Variants in SBK1 observed in about 807,000 individuals in gnomAD.
The protein encoded by SBK1 is SH3 domain binding kinase 1.
In SBK1, 11 loss-of-function variants were observed where a neutral mutation model predicts 24.4. The ratio of observed to expected loss-of-function variants is 0.45; its 90% CI spans 0.28 to 0.75. The LOEUF is 0.75. Among genes scored for constraint, SBK1 ranks in the 30% least tolerant of loss-of-function variants. The pLI is 0.12. For synonymous variants in SBK1, 308 were observed against 284.4 expected, an observed-to-expected ratio of 1.08 and a Z score of -0.83; for missense variants, 467 against 620.5, an observed-to-expected ratio of 0.75 and a Z score of 2.63.
chr16:28,321,111 G>T lies in SBK1; in HGVS notation c.*190G>T. The stretch of plus-strand genomic sequence containing the variant: ...GGGGGCCACCAAAGACCCCTAGCGC[G>T]GCCTGGTGAGCGGGGGCTTGGCCCA... On this transcript the variant is annotated 3_prime_UTR_variant, in exon 4 of 4. Coordinates refer to ENST00000341901, the MANE Select transcript of SBK1 (RefSeq NM_001024401.3). 1 of 472,352 alleles carries T rather than the reference G, an allele frequency of 2.1e-6. No individual in the cohort carries two copies. Among genetic ancestry groups the T allele is most frequent in the Non-Finnish European group, 3.4e-6 (1 of 290,970 alleles). 29.3% of individuals were successfully genotyped at this position (472,352 alleles called of 1,614,324 possible).
Position 28,317,349 on chromosome 16 carries a change from A to T in SBK1, c.-7-36A>T. The T allele has an allele frequency of 6.5e-7, 1 of 1,530,036 alleles. No homozygotes were observed. The highest frequency in any genetic ancestry group is 1.7e-4 in the Middle Eastern group (1 of 5,938). The allele number at this position is 1,530,036 out of a possible 1,614,324, so 94.8% of individuals were successfully genotyped here. A position where few individuals can be genotyped will look rare whatever the true frequency, so the allele number is the denominator to read the frequency against. Reference sequence around the variant, plus strand: ...GGCTGGAGGAGGGGACCCTTGCCTGATGTCACACTTCATGCTCACCACCCC... The same window carrying T: ...GGCTGGAGGAGGGGACCCTTGCCTGTTGTCACACTTCATGCTCACCACCCC... On this transcript the variant is annotated intron_variant, in intron 1 of 3. Transcript: ENST00000341901. The surrounding 1 kb of genome is among the most constrained non-coding windows in gnomAD (Gnocchi z 4.2).
intron 1 of SBK1, among the ~76,000 whole-genome samples, chr16:28,265,684 C>T (rs975847342): frequency 4.0e-5 from 6 of 151,784 alleles, no homozygotes; most frequent in Admixed American, 1.3e-4. Context: ...GATAAGAATG[C>T]ATCATGAAGC....
intron 1 of SBK1, among the ~76,000 whole-genome samples, chr16:28,314,257 A>G (rs1408529892): frequency 6.6e-6 from 1 of 151,394 alleles, no homozygotes; most frequent in African/African-American, 2.4e-5. Flanking sequence ...CCTGGGTTCA[A>G]GCGATCCTTC....
At position 28,322,931 on chromosome 16, in the gene SBK1, CCTCTCTCTCTCTCTCTCTCTCTCT is replaced by C. The variant is rs1160741491; in HGVS notation, c.*2036_*2059del. ...CTCTCTCGCGCGCGCTCTCTCTCTC[CCTCTCTCTCTCTCTCTCTCTCTCT>C]CTCTCTCTCTCTCTCTCTCTCTCTC... On this transcript the variant is annotated 3_prime_UTR_variant, in exon 4 of 4. Coordinates refer to ENST00000341901, the MANE Select transcript of SBK1 (RefSeq NM_001024401.3). 2 of 55,352 alleles carry C rather than the reference CCTCTCTCTCTCTCTCTCTCTCTCT, an allele frequency of 3.6e-5. No homozygotes were observed. The highest frequency in any genetic ancestry group is 7.1e-5 in the Non-Finnish European group (2 of 28,018). The allele number at this position is 55,352 out of a possible 1,614,324, so 3.4% of individuals were successfully genotyped here. A position where few individuals can be genotyped will look rare whatever the true frequency, so the allele number is the denominator to read the frequency against.
chr16:28,265,842 T>C (rs2044424655), intron 1 of SBK1, among the ~76,000 whole-genome samples: 1 of 150,762 alleles, frequency 6.6e-6, no homozygotes, highest in Non-Finnish European at 1.5e-5. Flanking sequence ...CGCGTGGTGG[T>C]ACGCACCTGT....
intron 1 of SBK1, among the ~76,000 whole-genome samples, chr16:28,265,095 A>AC (rs2044420136): frequency 6.6e-6 from 1 of 150,640 alleles, no homozygotes; most frequent in African/African-American, 2.4e-5. Flanking sequence ...ACATAGGGAG[A>AC]CCCCCATCTC....
intron 1 of SBK1, among the ~76,000 whole-genome samples, chr16:28,278,672 G>C (rs1597013374): frequency 6.6e-6 from 1 of 152,228 alleles, no homozygotes; most frequent in East Asian, 1.9e-4. Flanking sequence ...AGGGGAGTCT[G>C]ATGGGCCGGT....
At chr16:28,307,294 G>A (rs2044723873) in intron 1 of SBK1, among the ~76,000 whole-genome samples, 1 of 152,220 alleles carries the variant, frequency 6.6e-6, no homozygotes, top group African/African-American at 2.4e-5. Flanking sequence ...ATACACAGAT[G>A]TGGAAACTGA....
At chr16:28,279,052 C>T (rs2044512670) in intron 1 of SBK1, among the ~76,000 whole-genome samples, 1 of 151,954 alleles carries the variant, frequency 6.6e-6, no homozygotes, top group South Asian at 2.1e-4. Context: ...ATGGTCAAAC[C>T]CGCTCTCTAC....
chr16:28,278,137 C>G (rs542709607), intron 1 of SBK1, among the ~76,000 whole-genome samples: 5 of 152,252 alleles, frequency 3.3e-5, no homozygotes, highest in Non-Finnish European at 4.4e-5. Flanking sequence ...CGAATGGCCC[C>G]GCGAGAAGGG....
At chr16:28,302,435 A>G (rs2044685589) in intron 1 of SBK1, among the ~76,000 whole-genome samples, 1 of 152,206 alleles carries the variant, frequency 6.6e-6, no homozygotes, top group Admixed American at 6.5e-5. Flanking sequence ...ACCTCGGGAC[A>G]TAGAGGGAGG....
At chr16:28,308,678 T>G (rs979687092) in intron 1 of SBK1, among the ~76,000 whole-genome samples, 5 of 151,604 alleles carry the variant, frequency 3.3e-5, no homozygotes, top group Non-Finnish European at 7.4e-5. Flanking sequence ...CCCACCTGCC[T>G]TGGCCTCCCA....
intron 1 of SBK1, among the ~76,000 whole-genome samples, chr16:28,264,929 G>C (rs777558676): frequency 6.6e-6 from 1 of 152,060 alleles, no homozygotes; most frequent in East Asian, 1.9e-4. Flanking sequence ...GCGAGGAGAG[G>C]GGGCGTGGTC....
intron 1 of SBK1, among the ~76,000 whole-genome samples, chr16:28,307,079 T>C (rs2044721508): frequency 6.6e-6 from 1 of 152,098 alleles, no homozygotes; most frequent in Admixed American, 6.6e-5. Flanking sequence ...CACAGTGCAG[T>C]ACAGATGGGG....
chr16:28,301,515 A>G (rs969586222), intron 1 of SBK1, among the ~76,000 whole-genome samples: 3 of 152,208 alleles, frequency 2.0e-5, no homozygotes, highest in East Asian at 1.9e-4. Context: ...AGAATGTCCA[A>G]GTGTCTGCAG....
In SBK1 at chr16:28,319,852, G is replaced by A. The variant is rs942988235; in HGVS notation, c.430-224G>A. On this transcript the variant is annotated intron_variant, in intron 3 of 3. Transcript: ENST00000341901. The surrounding 1 kb of genome is among the most constrained non-coding windows in gnomAD (Gnocchi z 4.0). ...CGCGTGTCCCTCCTGGAGCCCCGATGTCCCCATAGGAGAAGCAGGCATGGT... is the reference window on the plus strand; with the variant it reads ...CGCGTGTCCCTCCTGGAGCCCCGATATCCCCATAGGAGAAGCAGGCATGGT... Among the ~76,000 whole-genome samples the A allele has an allele frequency of 4.6e-5, 7 of 152,278 alleles. No homozygotes were observed. Among genetic ancestry groups the A allele is most frequent in the Non-Finnish European group, 8.8e-5 (6 of 67,994 alleles).
chr16:28,280,147 A>ATGTGTGTG (rs1258164420), intron 1 of SBK1, among the ~76,000 whole-genome samples: 21 of 48,366 alleles, frequency 4.3e-4, no homozygotes, highest in African/African-American at 1.0e-3. Flanking sequence ...ATATATATAT[A>ATGTGTGTG]TATGTGTGTG....
intron 1 of SBK1, among the ~76,000 whole-genome samples, chr16:28,309,362 G>A (rs997368025): frequency 6.6e-6 from 1 of 152,186 alleles, no homozygotes; most frequent in African/African-American, 2.4e-5. Flanking sequence ...CCGCTCTCCA[G>A]CCCGACTTTG....
chr16:28,296,131 G>T (rs866386524), intron 1 of SBK1, among the ~76,000 whole-genome samples: 5 of 140,884 alleles, frequency 3.5e-5, no homozygotes, highest in African/African-American at 1.3e-4. Context: ...GTCTCGCTCT[G>T]TTGCCCAGGC....
Sources: allele counts gnomAD v4.1 joint callset (sites outside exome capture counted in the v4.1 genomes callset), GRCh38; gene constraint gnomAD v4.1.1; non-coding constraint Gnocchi (gnomAD v3.1); transcripts MANE v1.5; gene names NCBI Gene and HGNC (gene_info 2026-07-23, HGNC 2026-07-21).